The following OCRL variants were observed in gnomAD, a reference collection of about 807,000 sequenced individuals.
OCRL encodes OCRL inositol polyphosphate-5-phosphatase, also known as inositol polyphosphate 5-phosphatase OCRL.
OCRL carries 8 observed loss-of-function variants against 78.9 expected under a neutral mutation model. That is an observed-to-expected ratio of 0.10 (90% confidence interval 0.06 to 0.18). The LOEUF is 0.18. Among genes scored for constraint, OCRL ranks in the 10% least tolerant of loss-of-function variants. The pLI is 1.00. For missense variants in OCRL, 454 were observed against 696.7 expected (o/e 0.65, Z 3.92); for synonymous variants, 240 against 235.4 (o/e 1.02, Z -0.18).
At position 129,540,495 on chromosome X, in the gene OCRL, A is replaced by G. The variant is rs1201735287; in HGVS notation, c.39+17A>G. On this transcript the variant is annotated intron_variant, in intron 1 of 23. Transcript: ENST00000371113. ...CCGCTTGCCGTATCCGCCGGAGAGA[A>G]GGGAGAGGGGAGGCCGCGCAGGGCC... 9.4e-6 allele frequency: 8 copies of G among 851,045 alleles called. No homozygotes were observed. The African/African-American group carries it at 2.1e-4, about 22-fold the overall frequency. 70.1% of individuals were successfully genotyped at this position (851,045 alleles called of 1,213,427 possible).
At chrX:129,564,962 C>T (rs1936197644) in intron 12 of OCRL, among the ~76,000 whole-genome samples, 1 of 111,349 alleles carries the variant, frequency 9.0e-6, no homozygotes, top group African/African-American at 3.3e-5. Context: ...CATAATGTCT[C>T]AATAATTAGG....
In OCRL at chrX:129,577,298, AC is replaced by A. The variant is rs769146631; in HGVS notation, c.2115+748del. On this transcript the variant is annotated intron_variant, in intron 18 of 23. Coordinates refer to ENST00000371113, the MANE Select transcript of OCRL (RefSeq NM_000276.4). Reference sequence around the variant, plus strand: ...GAAAGAAAAGGAGGTTGATTTTCCCACCTCTCCCTCAAGCCAAGCTATAATA... The same window carrying A: ...GAAAGAAAAGGAGGTTGATTTTCCCACTCTCCCTCAAGCCAAGCTATAATA... Among the ~76,000 whole-genome samples the A allele has an allele frequency of 6.9e-4, 77 of 111,467 alleles. 1 individual carries two copies. Among genetic ancestry groups the A allele is most frequent in the Non-Finnish European group, 2.6e-4 (14 of 53,019 alleles).
At position 129,545,018 on chromosome X, in the gene OCRL, C is replaced by T. The variant is rs757432716; in HGVS notation, c.180C>T (p.Ser60=). Residue 60 remains serine (S), a synonymous_variant, in exon 3 of 24, where the codon AGC becomes AGT. Transcript: ENST00000371113. ...TTCAAGATATCATTCCTATAAATAG[C>T]CACTTCAGATGTGTTCAAGGTACTA... is the stretch of plus-strand genomic sequence containing the variant. The part of the protein sequence containing the change: ...QHVQDIIPIN[S]HFRCVQEAEE... The T allele has an allele frequency of 3.6e-6, 4 of 1,113,737 alleles. No homozygotes were observed. In the African/African-American group the frequency reaches 7.2e-5, roughly 20 times the overall value. 91.8% of individuals were successfully genotyped at this position (1,113,737 alleles called of 1,213,427 possible).
At chrX:129,570,010 AT>A (rs766824101) in intron 15 of OCRL, among the ~76,000 whole-genome samples, 1 of 108,349 alleles carries the variant, frequency 9.2e-6, no homozygotes. Flanking sequence ...TGCCCAGCGA[AT>A]TTTTTTTTAA....
At position 129,590,429 on chromosome X, in the gene OCRL, T is replaced by C; in HGVS notation, c.*159T>C. 4.7e-6 allele frequency: 3 copies of C among 632,552 alleles called. No homozygotes were observed. Among genetic ancestry groups the C allele is most frequent in the Non-Finnish European group, 7.4e-6 (3 of 404,653 alleles). 52.1% of individuals were successfully genotyped at this position (632,552 alleles called of 1,213,427 possible). Reference sequence around the variant, plus strand: ...GCGTTTCCTAATCCCTCCTTTACCATATCCTACACAGAAAAATACTTTTAG... The same window carrying C: ...GCGTTTCCTAATCCCTCCTTTACCACATCCTACACAGAAAAATACTTTTAG... On this transcript the variant is annotated 3_prime_UTR_variant, in exon 24 of 24. Transcript: ENST00000371113.
At chrX:129,548,133 A>G (rs973033561) in intron 3 of OCRL, among the ~76,000 whole-genome samples, 2 of 112,005 alleles carry the variant, frequency 1.8e-5, no homozygotes, top group African/African-American at 6.5e-5. Context: ...ATCTGAGTTA[A>G]GAAAGTAATT....
At chrX:129,554,026 C>CA (rs1936002340) in intron 4 of OCRL, among the ~76,000 whole-genome samples, 1 of 109,684 alleles carries the variant, frequency 9.1e-6, no homozygotes, top group African/African-American at 3.3e-5. Flanking sequence ...AGAGGCAAGG[C>CA]AGTTCTGGGT....
chrX:129,568,845 A>G (rs1936257569), intron 14 of OCRL, among the ~76,000 whole-genome samples: 2 of 112,654 alleles, frequency 1.8e-5, no homozygotes, highest in South Asian at 7.3e-4. Flanking sequence ...TTAGTTATCT[A>G]TCTGTTGTGA....
At chrX:129,569,917 C>T (rs767937642) in intron 15 of OCRL, among the ~76,000 whole-genome samples, 2 of 99,246 alleles carry the variant, frequency 2.0e-5, no homozygotes, top group East Asian at 3.2e-4. Flanking sequence ...GATCTTGGCT[C>T]ACTGCAACCT....
In OCRL at chrX:129,562,453, C is replaced by A. The variant is rs137853831; in HGVS notation, c.1009C>A (p.Arg337Ser). ...FARKDQCRYI[R>S]DIATETVGTG... ...CAGAAAGGATCAGTGTCGATACATTCGTGATATTGCTACAGAAACAGTTGG... is the reference window on the plus strand; with the variant it reads ...CAGAAAGGATCAGTGTCGATACATTAGTGATATTGCTACAGAAACAGTTGG... The change falls in exon 11 of 24, where the codon CGT becomes AGT. Residue 337 changes from arginine (R) to serine (S), a missense_variant. This residue lies in a region of OCRL where 277 missense variants were observed against 517.1 expected (regional missense o/e 0.54). Transcript: ENST00000371113. The A allele has an allele frequency of 5.8e-6, 7 of 1,209,493 alleles. No homozygotes were observed. The South Asian group carries it at 1.2e-4, about 21-fold the overall frequency.
intron 18 of OCRL, among the ~76,000 whole-genome samples, chrX:129,581,112 G>A (rs773501691): frequency 8.9e-6 from 1 of 112,660 alleles, no homozygotes; most frequent in Non-Finnish European, 1.9e-5. Flanking sequence ...TGATCCACCC[G>A]CCTCAGCTTC....
intron 4 of OCRL, among the ~76,000 whole-genome samples, chrX:129,551,379 A>T (rs980819534): frequency 1.8e-5 from 2 of 112,454 alleles, no homozygotes; most frequent in Non-Finnish European, 3.7e-5. Flanking sequence ...TGATACTTTA[A>T]GGATTTTAAT....
chrX:129,553,787 AAC>A (rs777995974), intron 4 of OCRL, among the ~76,000 whole-genome samples: 8 of 111,755 alleles, frequency 7.2e-5, no homozygotes, highest in Non-Finnish European at 1.3e-4. Context: ...GTAGGTGTGA[AAC>A]AGTTGTTTCA....
In OCRL at chrX:129,576,425, G is replaced by A. The variant is rs745885693; in HGVS notation, c.1988G>A (p.Arg663Gln). Residue 663 changes from arginine to glutamine, a missense_variant, in exon 18 of 24, where the codon CGA becomes CAA. Transcript: ENST00000371113. ...IEDILVLHLD[R>Q]GKDYFLTISG... Reference sequence around the variant, plus strand: ...GATATTCTCGTCCTTCACCTGGATCGAGGCAAAGATTACTTCTTGACTATC... The same window carrying A: ...GATATTCTCGTCCTTCACCTGGATCAAGGCAAAGATTACTTCTTGACTATC... 4.1e-6 allele frequency: 5 copies of A among 1,209,786 alleles called. No individual in the cohort carries two copies. The highest frequency in any genetic ancestry group is 5.6e-6 in the Non-Finnish European group (5 of 893,881).
chrX:129,546,762 C>G (rs1037696154), intron 3 of OCRL, among the ~76,000 whole-genome samples: 2 of 111,942 alleles, frequency 1.8e-5, no homozygotes, highest in African/African-American at 6.5e-5. Context: ...CCCTGTTTCT[C>G]TTAGTATTTT....
At chrX:129,560,333 C>T (rs1337163436) in intron 8 of OCRL, among the ~76,000 whole-genome samples, 1 of 112,380 alleles carries the variant, frequency 8.9e-6, no homozygotes, top group Non-Finnish European at 1.9e-5. Flanking sequence ...ACTTGGTTTC[C>T]TTCTGTAGTT....
rs959004428 is a variant in OCRL at position 129,540,303 on chromosome X, T to G, written c.-137T>G. ...CAGCTCCCAGCTCCCCGCTCCCGGC[T>G]CCCGGCGCCCGGCGCCCGGCGCGGA... is the stretch of plus-strand genomic sequence containing the variant. On this transcript the variant is annotated 5_prime_UTR_variant, in exon 1 of 24. Transcript: ENST00000371113. The G allele has an allele frequency of 7.2e-6, 5 of 693,187 alleles. No individual in the cohort carries two copies. The highest frequency in any genetic ancestry group is 2.2e-5 in the African/African-American group (1 of 45,924). 57.1% of individuals were successfully genotyped at this position (693,187 alleles called of 1,213,427 possible).
chrX:129,555,258 C>T (rs1179825967), intron 4 of OCRL, among the ~76,000 whole-genome samples: 5 of 110,018 alleles, frequency 4.5e-5, no homozygotes, highest in East Asian at 5.7e-4. Flanking sequence ...GGGCAGATCA[C>T]GAGGTCAGGA....
chrX:129,540,906 C>G (rs1935789637), intron 2 of OCRL, 83 bp downstream of exon 2: 1 of 813,928 alleles, frequency 1.2e-6, no homozygotes, highest in Non-Finnish European at 1.9e-6. Context: ...ACCCACTGTC[C>G]TCCTACTGAA....
Sources: allele counts gnomAD v4.1 joint callset (sites outside exome capture counted in the v4.1 genomes callset), GRCh38; gene constraint gnomAD v4.1.1; regional missense constraint gnomAD v4.1.1; transcripts MANE v1.5; gene names NCBI Gene and HGNC (gene_info 2026-07-23, HGNC 2026-07-21).